The following PAPPA2 variants were observed in gnomAD, a reference collection of about 807,000 sequenced individuals.
PAPPA2 encodes pappalysin-2.
In PAPPA2, 86 loss-of-function variants were observed where a neutral mutation model predicts 176.4. The observed-to-expected ratio is 0.49, with a 90% CI of 0.41 to 0.58. PAPPA2 has a LOEUF of 0.58. Among genes scored for constraint, PAPPA2 ranks in the 20% least tolerant of loss-of-function variants. The probability of loss-of-function intolerance (pLI) is 0.00; values close to 1 mark genes in which losing one functional copy is unlikely to be tolerated. For missense variants in PAPPA2, 2,073 were observed against 2,256.9 expected (o/e 0.92, Z 1.65); for synonymous variants, 809 against 852.2 (o/e 0.95, Z 0.88).
chr1:176,764,595 TC>T (rs1478903100), intron 14 of PAPPA2, among the ~76,000 whole-genome samples: 1 of 151,014 alleles, frequency 6.6e-6, no homozygotes, highest in Non-Finnish European at 1.5e-5. Flanking sequence ...TCCAGTGTAT[TC>T]TTTTTTTTTT....
intron 14 of PAPPA2, among the ~76,000 whole-genome samples, chr1:176,752,731 A>G (rs1388719414): frequency 6.6e-6 from 1 of 152,318 alleles, no homozygotes; most frequent in South Asian, 2.1e-4. Context: ...CATCCAAATG[A>G]CACAAATTTT....
intron 21 of PAPPA2, among the ~76,000 whole-genome samples, chr1:176,829,840 C>T (rs1292305724): frequency 6.6e-6 from 1 of 152,182 alleles, no homozygotes; most frequent in African/African-American, 2.4e-5. Context: ...TGAGTGGCCA[C>T]CTAGAGAGGT....
chr1:176,623,907 C>T (rs1655856793), intron 3 of PAPPA2, among the ~76,000 whole-genome samples: 1 of 151,038 alleles, frequency 6.6e-6, no homozygotes, highest in Non-Finnish European at 1.5e-5. Context: ...GTGGTGTGAA[C>T]ACAGCTCACT....
At chr1:176,630,863 T>C (rs753146728) in intron 3 of PAPPA2, among the ~76,000 whole-genome samples, 19 of 152,216 alleles carry the variant, frequency 1.2e-4, no homozygotes, top group Non-Finnish European at 1.0e-4. Context: ...GAATTTGAAT[T>C]GCCCAGGAGT....
At chr1:176,657,870 G>A (rs1467101659) in intron 3 of PAPPA2, among the ~76,000 whole-genome samples, 1 of 151,918 alleles carries the variant, frequency 6.6e-6, no homozygotes, top group African/African-American at 2.4e-5. Flanking sequence ...ATCCTAATAG[G>A]GGATTCTACA....
intron 3 of PAPPA2, among the ~76,000 whole-genome samples, chr1:176,650,236 GT>G (rs1425340273): frequency 1.3e-4 from 19 of 151,042 alleles, no homozygotes; most frequent in African/African-American, 4.6e-4. Context: ...TTGGTTTCTA[GT>G]TGCATGAATG....
chr1:176,807,835 T>C (rs1665973619), intron 21 of PAPPA2, among the ~76,000 whole-genome samples: 1 of 152,182 alleles, frequency 6.6e-6, no homozygotes. Context: ...TTAGAACAAA[T>C]TTCTCTAAGT....
intron 3 of PAPPA2, among the ~76,000 whole-genome samples, chr1:176,597,021 G>A (rs1049997384): frequency 2.0e-5 from 3 of 152,114 alleles, no homozygotes; most frequent in African/African-American, 7.2e-5. Flanking sequence ...CTTTTGTATT[G>A]GACACCATTT....
intron 3 of PAPPA2, among the ~76,000 whole-genome samples, chr1:176,617,619 T>C (rs904955924): frequency 2.6e-5 from 4 of 152,058 alleles, no homozygotes; most frequent in African/African-American, 7.3e-5. Flanking sequence ...TTTCATTCTT[T>C]TATATGGCTG....
At position 176,671,820 on chromosome 1, in the gene PAPPA2, C is replaced by T. The variant is rs549379519; in HGVS notation, c.2137+705C>T. ...GTAAACTATCGCAAGAACAAAAAAT[C>T]AAACACCACATCTTCTCACTCATAG... is the stretch of plus-strand genomic sequence containing the variant. On this transcript the variant is annotated intron_variant, in intron 4 of 22. Transcript: ENST00000367662. Among the ~76,000 whole-genome samples, 3 of 147,858 alleles carry T rather than the reference C, an allele frequency of 2.0e-5. No homozygotes were observed. The East Asian group carries it at 6.0e-4, about 30-fold the overall frequency.
intron 3 of PAPPA2, among the ~76,000 whole-genome samples, chr1:176,625,274 T>A (rs1221231640): frequency 6.6e-6 from 1 of 151,826 alleles, no homozygotes; most frequent in Non-Finnish European, 1.5e-5. Context: ...AGGAGGAGAG[T>A]GTCAGAGTCT....
At chr1:176,623,651 C>CTT (rs1276844860) in intron 3 of PAPPA2, among the ~76,000 whole-genome samples, 2 of 130,354 alleles carry the variant, frequency 1.5e-5, no homozygotes, top group Middle Eastern at 4.1e-3. Flanking sequence ...TTCTTTCTTT[C>CTT]TTTCTTTCTT....
At chr1:176,528,009 T>C (rs1423740540) in intron 1 of PAPPA2, among the ~76,000 whole-genome samples, 1 of 152,218 alleles carries the variant, frequency 6.6e-6, no homozygotes, top group Non-Finnish European at 1.5e-5. Flanking sequence ...TCCTGCATCA[T>C]GGAAACCCCT....
At chr1:176,477,917 G>A (rs1652216029) in intron 1 of PAPPA2, among the ~76,000 whole-genome samples, 1 of 152,188 alleles carries the variant, frequency 6.6e-6, no homozygotes, top group Non-Finnish European at 1.5e-5. Flanking sequence ...TATGGGTGAG[G>A]AGAGGATGAA....
chr1:176,662,010 C>T (rs1658385041), intron 3 of PAPPA2, among the ~76,000 whole-genome samples: 1 of 152,144 alleles, frequency 6.6e-6, no homozygotes, highest in East Asian at 1.9e-4. Flanking sequence ...GATTGTCTTG[C>T]TCATTGACTG....
chr1:176,765,650 A>G lies in PAPPA2; in HGVS notation c.4152-16A>G, dbSNP rs1222188177. On this transcript the variant is annotated splice_polypyrimidine_tract_variant and intron_variant, in intron 14 of 22. Transcript: ENST00000367662. ...TCTCAACCAGTCCTAAGATGGTTCT[A>G]TTTCTCTTATCCCAGCTGTATCCAT... The G allele has an allele frequency of 7.4e-6, 12 of 1,611,774 alleles. No individual in the cohort carries two copies. Among genetic ancestry groups the G allele is most frequent in the Non-Finnish European group, 1.0e-5 (12 of 1,178,814 alleles).
At chr1:176,781,559 T>C (rs1664724145) in intron 17 of PAPPA2, among the ~76,000 whole-genome samples, 2 of 151,828 alleles carry the variant, frequency 1.3e-5, no homozygotes, top group Non-Finnish European at 2.9e-5. Flanking sequence ...TGAAGTCTGC[T>C]TGCTCCCTAT....
chr1:176,607,687 C>T (rs1194702927), intron 3 of PAPPA2, among the ~76,000 whole-genome samples: 3 of 152,128 alleles, frequency 2.0e-5, no homozygotes, highest in Admixed American at 6.6e-5. Flanking sequence ...GCCCTAATAT[C>T]TCTTCAGTTT....
intron 1 of PAPPA2, among the ~76,000 whole-genome samples, chr1:176,541,132 A>T (rs760745562): frequency 5.9e-5 from 9 of 152,218 alleles, no homozygotes; most frequent in Non-Finnish European, 8.8e-5. Context: ...TAGAAAAGTG[A>T]TCACTTGATA....
Sources: gnomAD v4.1 joint callset for allele counts (sites outside exome capture counted in the v4.1 genomes callset) on GRCh38, gnomAD v4.1.1 for gene constraint, MANE v1.5 for transcripts, NCBI Gene and HGNC (gene_info 2026-07-23, HGNC 2026-07-21) for gene names.